FCHO2: variants seen among roughly 807,000 people sequenced by gnomAD.
FCHO2 encodes F-BAR domain only protein 2.
FCHO2 carries 43 observed loss-of-function variants against 114.1 expected under a neutral mutation model. The ratio of observed to expected loss-of-function variants is 0.38; its 90% CI spans 0.30 to 0.49. FCHO2 has a LOEUF of 0.49. Ranked by LOEUF, FCHO2 falls within the 20% of genes least tolerant of loss-of-function variation. FCHO2 has a pLI of 0.97. For missense variants in FCHO2, 807 were observed against 950.4 expected, an observed-to-expected ratio of 0.85 and a Z score of 1.98; for synonymous variants, 293 against 315.2, an observed-to-expected ratio of 0.93 and a Z score of 0.75.
At chr5:73,053,695 C>CA (rs370427186) in intron 13 of FCHO2, among the ~76,000 whole-genome samples, 155 of 97,974 alleles carry the variant, frequency 1.6e-3, no homozygotes, top group South Asian at 5.3e-3. Flanking sequence ...GACTTCGTCT[C>CA]AAAAAAAAAA....
intron 17 of FCHO2, among the ~76,000 whole-genome samples, chr5:73,062,386 A>G (rs1301991899): frequency 1.3e-5 from 2 of 152,144 alleles, no homozygotes. Context: ...CCACTTGATC[A>G]GTAATAAATG....
intron 8 of FCHO2, chr5:73,020,844 G>T: frequency 1.1e-6 from 1 of 939,026 alleles, no homozygotes; most frequent in Non-Finnish European, 1.8e-6. Flanking sequence ...GCTCATCTGA[G>T]ATATTTACTC....
chr5:73,078,463 G>A (rs1404216490), intron 22 of FCHO2, among the ~76,000 whole-genome samples, 151 bp downstream of exon 22: 1 of 152,272 alleles, frequency 6.6e-6, no homozygotes, highest in East Asian at 1.9e-4. Flanking sequence ...TAAGCCAGTG[G>A]AGATTTTGAC....
chr5:73,054,688 T>C lies in FCHO2; in HGVS notation c.1210+139T>C. 4 of 595,894 alleles carry C rather than the reference T, an allele frequency of 6.7e-6. No individual in the cohort carries two copies. The South Asian group carries it at 1.0e-4, about 15-fold the overall frequency. 36.9% of individuals were successfully genotyped at this position (595,894 alleles called of 1,614,324 possible). A position where few individuals can be genotyped will look rare whatever the true frequency, so the allele number is the denominator to read the frequency against. On this transcript the variant is annotated intron_variant, in intron 15 of 25. Transcript: ENST00000430046. ...ACTGCGTGGCTAGAAGGATAATTAT[T>C]TTAAATAGAAAACAGCGTATCTATA...
chr5:73,048,180 T>C (rs1193779321), intron 11 of FCHO2, among the ~76,000 whole-genome samples: 4 of 152,026 alleles, frequency 2.6e-5, no homozygotes, highest in Admixed American at 2.6e-4. Flanking sequence ...CCGGGCACAG[T>C]GGGTCATGCC....
In FCHO2 at chr5:72,956,888, C is replaced by T. The variant is rs768398416; in HGVS notation, c.33+759C>T. 2.6e-5 allele frequency among the ~76,000 whole-genome samples: 4 copies of T among 151,312 alleles called. No homozygotes were observed. In the South Asian group the frequency reaches 8.3e-4, roughly 31 times the overall value. On this transcript the variant is annotated intron_variant, in intron 1 of 25. Coordinates refer to ENST00000430046, the MANE Select transcript of FCHO2 (RefSeq NM_138782.3). The stretch of plus-strand genomic sequence containing the variant: ...CGGCTCCCGGTGGAGTATTTTTCTG[C>T]AGTTATTGTTTTTTTTTTTGTAATG...
chr5:72,977,444 A>G (rs1242525721), intron 2 of FCHO2, among the ~76,000 whole-genome samples: 1 of 152,188 alleles, frequency 6.6e-6, no homozygotes, highest in African/African-American at 2.4e-5. Context: ...GTGTCTGTTC[A>G]TATACTTTGC....
At chr5:72,979,106 T>C (rs1252212510) in intron 2 of FCHO2, among the ~76,000 whole-genome samples, 3 of 152,128 alleles carry the variant, frequency 2.0e-5, no homozygotes, top group African/African-American at 7.2e-5. Context: ...GTTTTGATAT[T>C]AGGATGATGC....
rs368347277 is a variant in FCHO2 at position 73,064,755 on chromosome 5, C to T, written c.1449+811C>T. ...TTGAAACTTTTCAGGGTTCCTTAAACACATCATGGTCTTTTACATGTCCAT... is the reference window on the plus strand; with the variant it reads ...TTGAAACTTTTCAGGGTTCCTTAAATACATCATGGTCTTTTACATGTCCAT... On this transcript the variant is annotated intron_variant, in intron 18 of 25. Transcript: ENST00000430046. 5.3e-5 allele frequency among the ~76,000 whole-genome samples: 8 copies of T among 152,090 alleles called. No individual in the cohort carries two copies. The East Asian group carries it at 7.7e-4, about 15-fold the overall frequency.
intron 19 of FCHO2, among the ~76,000 whole-genome samples, chr5:73,069,365 T>G (rs1489846353): frequency 2.0e-5 from 3 of 152,096 alleles, no homozygotes; most frequent in Non-Finnish European, 4.4e-5. Flanking sequence ...CATTGTAATA[T>G]ATAATGAAAT....
chr5:73,026,858 A>G (rs1755952273), intron 8 of FCHO2, among the ~76,000 whole-genome samples: 1 of 151,572 alleles, frequency 6.6e-6, no homozygotes, highest in African/African-American at 2.4e-5. Context: ...TACCTGGCTA[A>G]TTTTTGTATT....
Position 73,022,980 on chromosome 5 carries a change from T to C in FCHO2, c.796+5672T>C, listed in dbSNP as rs540886238. ...ATTTTTTTTTTGTAGTGTCAGCATA[T>C]TAATTTCAGGAAAGGTTCTGCTTTT... On this transcript the variant is annotated intron_variant, in intron 8 of 25. Transcript: ENST00000430046. Among the ~76,000 whole-genome samples the C allele has an allele frequency of 2.6e-5, 4 of 152,286 alleles. No individual in the cohort carries two copies. In the South Asian group the frequency reaches 8.3e-4, roughly 32 times the overall value.
intron 11 of FCHO2, among the ~76,000 whole-genome samples, chr5:73,049,608 A>G (rs1047922704): frequency 5.9e-5 from 9 of 152,058 alleles, no homozygotes; most frequent in African/African-American, 2.2e-4. Flanking sequence ...CCTGAACTGA[A>G]TGTTTGTTTA....
chr5:73,086,228 G>T (rs1369491379), intron 24 of FCHO2, among the ~76,000 whole-genome samples: 1 of 152,202 alleles, frequency 6.6e-6, no homozygotes, highest in Non-Finnish European at 1.5e-5. Flanking sequence ...GATTGTCAAG[G>T]TTGTTGCTCT....
At chr5:73,049,705 C>T (rs1202665052) in intron 11 of FCHO2, among the ~76,000 whole-genome samples, 1 of 152,030 alleles carries the variant, frequency 6.6e-6, no homozygotes, top group Non-Finnish European at 1.5e-5. Flanking sequence ...CCAGAAAACC[C>T]CTTCTTGAAG....
At chr5:73,028,299 C>T (rs1335981822) in intron 8 of FCHO2, among the ~76,000 whole-genome samples, 1 of 152,182 alleles carries the variant, frequency 6.6e-6, no homozygotes, top group Non-Finnish European at 1.5e-5. Flanking sequence ...TGCAACCACT[C>T]TGGAAAATAC....
intron 8 of FCHO2, among the ~76,000 whole-genome samples, chr5:73,027,025 T>G (rs1007703510): frequency 9.3e-5 from 14 of 150,606 alleles, no homozygotes; most frequent in South Asian, 4.2e-4. Flanking sequence ...TTTGTTTTTT[T>G]TTTTTTTTTT....
At chr5:73,061,499 A>G (rs1000251823) in intron 17 of FCHO2, among the ~76,000 whole-genome samples, 8 of 152,042 alleles carry the variant, frequency 5.3e-5, no homozygotes, top group African/African-American at 1.7e-4. Context: ...AGAGCAGAGT[A>G]GGAACTTCAG....
chr5:72,957,058 C>CT (rs1268794035), intron 1 of FCHO2, among the ~76,000 whole-genome samples: 1 of 152,104 alleles, frequency 6.6e-6, no homozygotes, highest in African/African-American at 2.4e-5. Context: ...AATCTTTTAG[C>CT]TAGTAAGGAA....
Sources: gnomAD v4.1 joint callset for allele counts (sites outside exome capture counted in the v4.1 genomes callset) on GRCh38, gnomAD v4.1.1 for gene constraint, MANE v1.5 for transcripts, NCBI Gene and HGNC (gene_info 2026-07-23, HGNC 2026-07-21) for gene names.